The following AGBL4 variants were observed in gnomAD, a reference collection of about 807,000 sequenced individuals.
The protein encoded by AGBL4 is AGBL carboxypeptidase 4.
Under a neutral mutation model 66.4 loss-of-function variants are expected in AGBL4, and 58 were observed. The ratio of observed to expected loss-of-function variants is 0.87; its 90% CI spans 0.71 to 1.09. The LOEUF is 1.09. Among genes scored for constraint, AGBL4 ranks in the 50% least tolerant of loss-of-function variants. The probability of loss-of-function intolerance (pLI) is 0.00; values close to 1 mark genes in which losing one functional copy is unlikely to be tolerated. For synonymous variants in AGBL4, 234 were observed against 222.9 expected, an observed-to-expected ratio of 1.05 and a Z score of -0.44; for missense variants, 579 against 631.0, an observed-to-expected ratio of 0.92 and a Z score of 0.88.
chr1:49,664,860 G>A (rs980290412), intron 3 of AGBL4, among the ~76,000 whole-genome samples: 1 of 151,972 alleles, frequency 6.6e-6, no homozygotes, highest in East Asian at 1.9e-4. Flanking sequence ...AGAAATTAAG[G>A]AAGATCATAA....
chr1:49,936,631 C>T (rs1037254584), intron 1 of AGBL4, among the ~76,000 whole-genome samples: 1 of 152,102 alleles, frequency 6.6e-6, no homozygotes, highest in Non-Finnish European at 1.5e-5. Context: ...AGACTAACAG[C>T]GGATCTCTCG....
In AGBL4 at chr1:49,050,797, T is replaced by C. The variant is rs1571327367; in HGVS notation, c.378-4997A>G. ...AAATACTAATTGCAGACACTGCTGT[T>C]TTTCTGATTTACCTCAAAATCCTCA... On this transcript the variant is annotated intron_variant, in intron 4 of 13. Coordinates refer to ENST00000371839, the MANE Select transcript of AGBL4 (RefSeq NM_032785.4). Among the ~76,000 whole-genome samples, 5 of 152,084 alleles carry C rather than the reference T, an allele frequency of 3.3e-5. No individual in the cohort carries two copies. In the South Asian group the frequency reaches 1.0e-3, roughly 32 times the overall value.
chr1:49,639,195 A>G (rs1427814358), intron 3 of AGBL4, among the ~76,000 whole-genome samples: 1 of 152,144 alleles, frequency 6.6e-6, no homozygotes, highest in African/African-American at 2.4e-5. Context: ...CAGGCATAAC[A>G]CCAATAACAT....
intron 6 of AGBL4, among the ~76,000 whole-genome samples, chr1:48,751,390 G>A (rs1243021450): frequency 6.6e-6 from 1 of 152,170 alleles, no homozygotes; most frequent in African/African-American, 2.4e-5. Flanking sequence ...GAAGCACATG[G>A]CTAAGGGACT....
At chr1:49,915,285 G>T (rs1259866470) in intron 1 of AGBL4, among the ~76,000 whole-genome samples, 1 of 152,196 alleles carries the variant, frequency 6.6e-6, no homozygotes, top group South Asian at 2.1e-4. Flanking sequence ...GCAGGGTGAG[G>T]CATTGCCTCA....
chr1:48,864,118 T>C (rs1227850113), intron 6 of AGBL4, among the ~76,000 whole-genome samples: 1 of 151,870 alleles, frequency 6.6e-6, no homozygotes, highest in East Asian at 1.9e-4. Context: ...CCCAATAGAA[T>C]ACAGATAAAG....
intron 1 of AGBL4, among the ~76,000 whole-genome samples, chr1:49,941,634 G>A (rs1040692070): frequency 6.6e-6 from 1 of 151,926 alleles, no homozygotes; most frequent in African/African-American, 2.4e-5. Flanking sequence ...AAAATTATAT[G>A]ATCATCTCAA....
chr1:49,865,917 G>T, intron 1 of AGBL4: 1 of 407,940 alleles, frequency 2.5e-6, no homozygotes, highest in Non-Finnish European at 5.0e-6. Context: ...GCACATAAAT[G>T]ACCTGAAGGA....
intron 3 of AGBL4, among the ~76,000 whole-genome samples, chr1:49,681,584 T>G (rs1646694125): frequency 6.6e-6 from 1 of 152,190 alleles, no homozygotes; most frequent in Non-Finnish European, 1.5e-5. Context: ...TTACTCCACC[T>G]TTCATAGTCT....
chr1:49,698,745 C>T (rs989547130), intron 2 of AGBL4, among the ~76,000 whole-genome samples: 1 of 151,930 alleles, frequency 6.6e-6, no homozygotes, highest in Admixed American at 6.6e-5. Context: ...TTTTTTCCCT[C>T]TAAAAGTTCA....
At chr1:49,619,511 G>A (rs1645315566) in intron 3 of AGBL4, among the ~76,000 whole-genome samples, 1 of 152,220 alleles carries the variant, frequency 6.6e-6, no homozygotes, top group Non-Finnish European at 1.5e-5. Context: ...TCATTGATAG[G>A]AAGAATCAAT....
intron 6 of AGBL4, among the ~76,000 whole-genome samples, chr1:48,750,067 T>A (rs1651433085): frequency 6.6e-6 from 1 of 152,136 alleles, no homozygotes; most frequent in Non-Finnish European, 1.5e-5. Flanking sequence ...GCCCAACAAA[T>A]CAATCCATGA....
At chr1:49,280,578 A>C (rs984445796) in intron 3 of AGBL4, among the ~76,000 whole-genome samples, 2 of 152,190 alleles carry the variant, frequency 1.3e-5, no homozygotes, top group Admixed American at 6.5e-5. Context: ...GATTCTAAAA[A>C]GTTCAACTCC....
intron 4 of AGBL4, among the ~76,000 whole-genome samples, chr1:49,086,792 A>G (rs1347329028): frequency 6.6e-6 from 1 of 152,068 alleles, no homozygotes; most frequent in East Asian, 1.9e-4. Context: ...TCCCCCAGGA[A>G]GAACTCAGAC....
intron 11 of AGBL4, among the ~76,000 whole-genome samples, chr1:48,547,503 G>A (rs1232165314): frequency 1.3e-5 from 2 of 152,138 alleles, no homozygotes; most frequent in Non-Finnish European, 2.9e-5. Flanking sequence ...AATGTGGCAG[G>A]AATAGCTTCA....
chr1:49,359,818 A>T (rs909947251), intron 3 of AGBL4, among the ~76,000 whole-genome samples: 13 of 151,976 alleles, frequency 8.6e-5, no homozygotes, highest in Admixed American at 5.2e-4. Flanking sequence ...CATTTTACTC[A>T]CAGTCACATA....
At chr1:49,111,790 G>T (rs1302191120) in intron 4 of AGBL4, among the ~76,000 whole-genome samples, 1 of 152,086 alleles carries the variant, frequency 6.6e-6, no homozygotes, top group South Asian at 2.1e-4. Flanking sequence ...AGTATACTTT[G>T]TCCCCAGCAC....
chr1:49,217,038 C>T (rs1216257840), intron 4 of AGBL4, among the ~76,000 whole-genome samples: 1 of 152,080 alleles, frequency 6.6e-6, no homozygotes, highest in African/African-American at 2.4e-5. Flanking sequence ...ATGTAACATG[C>T]TTATGTAGAA....
intron 1 of AGBL4, among the ~76,000 whole-genome samples, chr1:49,984,747 A>G (rs1344206567): frequency 2.0e-5 from 3 of 152,230 alleles, no homozygotes; most frequent in Non-Finnish European, 2.9e-5. Context: ...CAGAAATATA[A>G]GATATTACAT....
Sources: allele counts gnomAD v4.1 joint callset (sites outside exome capture counted in the v4.1 genomes callset), GRCh38; gene constraint gnomAD v4.1.1; transcripts MANE v1.5; gene names NCBI Gene and HGNC (gene_info 2026-07-23, HGNC 2026-07-21).